The following NCKAP5 variants were observed in gnomAD, a reference collection of about 807,000 sequenced individuals.
The protein encoded by NCKAP5 is NCK associated protein 5, also known as nck-associated protein 5.
Under a neutral mutation model 167.0 loss-of-function variants are expected in NCKAP5, and 92 were observed. The observed-to-expected ratio is 0.55, with a 90% CI of 0.47 to 0.66. NCKAP5 has a LOEUF of 0.66. Ranked by LOEUF, NCKAP5 falls within the 30% of genes least tolerant of loss-of-function variation. The pLI, the probability that NCKAP5 is intolerant of heterozygous loss-of-function variation, is 0.00. For synonymous variants in NCKAP5, 891 were observed against 877.4 expected (o/e 1.02, Z -0.27); for missense variants, 2,378 against 2,315.0 (o/e 1.03, Z -0.56).
At chr2:133,316,987 C>A (rs1349394741) in intron 3 of NCKAP5, among the ~76,000 whole-genome samples, 1 of 152,092 alleles carries the variant, frequency 6.6e-6, no homozygotes, top group Non-Finnish European at 1.5e-5. Context: ...TCTTCTTACC[C>A]CTAAATCTCT....
intron 5 of NCKAP5, among the ~76,000 whole-genome samples, chr2:133,144,653 G>A (rs1321161829): frequency 6.6e-6 from 1 of 152,132 alleles, no homozygotes; most frequent in Non-Finnish European, 1.5e-5. Context: ...CGTAATATTT[G>A]TGCTTGTCAG....
intron 3 of NCKAP5, among the ~76,000 whole-genome samples, chr2:133,387,878 T>C (rs1412700158): frequency 2.0e-5 from 3 of 152,242 alleles, no homozygotes; most frequent in Non-Finnish European, 4.4e-5. Flanking sequence ...TCTTGTGCCA[T>C]GGTTTTCAGC....
chr2:133,251,546 C>A (rs1259082142), intron 4 of NCKAP5, among the ~76,000 whole-genome samples: 1 of 143,996 alleles, frequency 6.9e-6, no homozygotes, highest in Non-Finnish European at 1.5e-5. Flanking sequence ...ATAGCAGATG[C>A]CAAAGTATAA....
At chr2:132,866,009 G>T (rs1402758911) in intron 10 of NCKAP5, among the ~76,000 whole-genome samples, 2 of 152,186 alleles carry the variant, frequency 1.3e-5, no homozygotes, top group Non-Finnish European at 2.9e-5. Context: ...GGGGAAATAG[G>T]AATTTGGAGT....
At chr2:132,733,431 C>T (rs1003691422) in intron 16 of NCKAP5, among the ~76,000 whole-genome samples, 2 of 152,128 alleles carry the variant, frequency 1.3e-5, no homozygotes, top group Non-Finnish European at 2.9e-5. Context: ...GTGATCTCCG[C>T]CTATGACTAA....
chr2:132,872,596 G>C (rs576024488), intron 9 of NCKAP5, among the ~76,000 whole-genome samples: 27 of 152,336 alleles, frequency 1.8e-4, no homozygotes, highest in Non-Finnish European at 3.2e-4. Context: ...TCAGGTTTAC[G>C]GGCGTGGGGA....
intron 3 of NCKAP5, among the ~76,000 whole-genome samples, chr2:133,389,810 A>G (rs1266464730): frequency 6.6e-6 from 1 of 152,088 alleles, no homozygotes; most frequent in Non-Finnish European, 1.5e-5. Flanking sequence ...TGAGCAATGA[A>G]CTCAATTCTT....
Position 133,547,026 on chromosome 2 carries a change from G to A in NCKAP5, c.-62+12024C>T, listed in dbSNP as rs558376574. 1.6e-4 allele frequency among the ~76,000 whole-genome samples: 24 copies of A among 152,258 alleles called. 1 individual carries two copies. In the South Asian group the frequency reaches 1.9e-3, roughly 12 times the overall value. ...GCGCAGGCCAGTGGGTGCGCGCACC[G>A]TGCGCGAGCTGAAGCAGGGCGAGGC... On this transcript the variant is annotated intron_variant, in intron 2 of 19. Coordinates refer to ENST00000409261, the MANE Select transcript of NCKAP5 (RefSeq NM_207363.3).
chr2:133,653,504 T>A, the NCKAP5 span, among the ~76,000 whole-genome samples: 1 of 151,906 alleles, frequency 6.6e-6, no homozygotes, highest in Non-Finnish European at 1.5e-5. Flanking sequence ...GAAACCAGAG[T>A]TTTCAAAAAT....
chr2:132,880,471 A>C (rs975526882), intron 8 of NCKAP5, among the ~76,000 whole-genome samples: 1 of 152,108 alleles, frequency 6.6e-6, no homozygotes, highest in Non-Finnish European at 1.5e-5. Context: ...CTCTACTAAA[A>C]ATATAAAAAT....
intron 6 of NCKAP5, among the ~76,000 whole-genome samples, chr2:133,017,656 C>G (rs145844600): frequency 2.1e-3 from 327 of 152,174 alleles, no homozygotes; most frequent in African/African-American, 7.5e-3. Flanking sequence ...CTTTACTAGA[C>G]TGTACATTCA....
chr2:133,555,361 C>A (rs1575152733), intron 2 of NCKAP5, among the ~76,000 whole-genome samples: 1 of 152,284 alleles, frequency 6.6e-6, no homozygotes, highest in Non-Finnish European at 1.5e-5. Context: ...CTATCTGGTC[C>A]ACCACAATGT....
At chr2:132,697,645 A>G (rs1687473141) in intron 19 of NCKAP5, among the ~76,000 whole-genome samples, 1 of 151,518 alleles carries the variant, frequency 6.6e-6, no homozygotes, top group South Asian at 2.1e-4. Flanking sequence ...AGCTAAGTGT[A>G]TGTACACGAT....
chr2:133,567,462 G>A (rs1688632883), intron 1 of NCKAP5, among the ~76,000 whole-genome samples: 1 of 151,936 alleles, frequency 6.6e-6, no homozygotes, highest in South Asian at 2.1e-4. Context: ...GAGAACATGT[G>A]GATTTTGTAT....
intron 3 of NCKAP5, among the ~76,000 whole-genome samples, chr2:133,326,062 G>C (rs1003633775): frequency 6.6e-6 from 1 of 152,180 alleles, no homozygotes; most frequent in African/African-American, 2.4e-5. Flanking sequence ...GAATCATGCA[G>C]CTCTCTTCTT....
intron 3 of NCKAP5, among the ~76,000 whole-genome samples, chr2:133,421,616 C>A (rs575019197): frequency 6.6e-6 from 1 of 152,306 alleles, no homozygotes; most frequent in East Asian, 1.9e-4. Context: ...GCCACAGGCA[C>A]AGCCTGCGTT....
At chr2:133,526,605 T>C (rs1211286730) in intron 2 of NCKAP5, among the ~76,000 whole-genome samples, 1 of 152,154 alleles carries the variant, frequency 6.6e-6, no homozygotes, top group Non-Finnish European at 1.5e-5. Flanking sequence ...CAGAATTGCA[T>C]GGGCTTAGAC....
chr2:133,098,106 A>T (rs1385749641), intron 6 of NCKAP5, among the ~76,000 whole-genome samples: 4 of 152,256 alleles, frequency 2.6e-5, no homozygotes, highest in African/African-American at 9.6e-5. Flanking sequence ...GAAAGGCACA[A>T]AAGTAAATGA....
chr2:132,884,765 GTTTAC>G (rs970017940), intron 8 of NCKAP5, among the ~76,000 whole-genome samples: 16 of 152,112 alleles, frequency 1.1e-4, no homozygotes, highest in African/African-American at 3.4e-4. Flanking sequence ...ACTTCACACT[GTTTAC>G]TTTAAATGTC....
Sources: gnomAD v4.1 joint callset for allele counts (sites outside exome capture counted in the v4.1 genomes callset) on GRCh38, gnomAD v4.1.1 for gene constraint, MANE v1.5 for transcripts, NCBI Gene and HGNC (gene_info 2026-07-23, HGNC 2026-07-21) for gene names.